Variants in CSAD observed in about 807,000 individuals in gnomAD.
CSAD encodes cysteine sulfinic acid decarboxylase.
CSAD carries 47 observed loss-of-function variants against 61.5 expected under a neutral mutation model. That is an observed-to-expected ratio of 0.76 (90% CI 0.60 to 0.97). The LOEUF is 0.97. Among genes scored for constraint, CSAD ranks in the 50% least tolerant of loss-of-function variants. The pLI is 0.00. For synonymous variants in CSAD, 245 were observed against 252.7 expected (o/e 0.97, Z 0.29); for missense variants, 611 against 643.6 (o/e 0.95, Z 0.55).
At chr12:53,165,909 T>C (rs572525975) in intron 10 of CSAD, among the ~76,000 whole-genome samples, 1 of 152,046 alleles carries the variant, frequency 6.6e-6, no homozygotes, top group South Asian at 2.1e-4. Context: ...AACAGATAAA[T>C]GGATAAGCAA....
At chr12:53,180,515 G>C in intron 1 of CSAD, 1 of 1,268,338 alleles carries the variant, frequency 7.9e-7, no homozygotes, top group Non-Finnish European at 1.0e-6. Flanking sequence ...CGCACGCGCC[G>C]GCCTCAGCGC....
chr12:53,172,238 A>G, intron 6 of CSAD, 108 bp downstream of exon 6: 5 of 1,062,186 alleles, frequency 4.7e-6, no homozygotes, highest in Non-Finnish European at 7.3e-6. Flanking sequence ...AGGGATTCCC[A>G]GAAGCAGTAG....
intron 4 of CSAD, chr12:53,173,122 T>G (rs1259674534): frequency 1.1e-5 from 5 of 463,504 alleles, no homozygotes; most frequent in Non-Finnish European, 1.9e-5. Context: ...GCAGGAGAGC[T>G]GCTTGAGCCC....
chr12:53,164,355 AT>A (rs776494597), intron 10 of CSAD: 40 of 222,904 alleles, frequency 1.8e-4, no homozygotes, highest in Admixed American at 4.0e-4. Flanking sequence ...AGTGGATTAG[AT>A]TTTTTTTAAT....
rs138355912 is a variant in CSAD at position 53,162,665 on chromosome 12, G to A, written c.703-1276C>T. Among the ~76,000 whole-genome samples, 587 of 152,194 alleles carry A rather than the reference G, an allele frequency of 3.9e-3. 4 individuals are homozygous for A. The highest frequency in any genetic ancestry group is 0.014 in the African/African-American group (569 of 41,512). ...CAGCTGGATGTGGTAGCTCATGCCT[G>A]TAATCCCAGCACTTTGGGAGGCCAA... On this transcript the variant is annotated intron_variant, in intron 10 of 16. Coordinates refer to ENST00000444623, the MANE Select transcript of CSAD (RefSeq NM_001244705.2).
At chr12:53,181,120 C>G (rs1010044708), upstream of CSAD, 1 of 967,324 alleles carries the variant, frequency 1.0e-6, no homozygotes, top group African/African-American at 1.8e-5. Flanking sequence ...GCTCTGCTCC[C>G]GGTTGGTGCA....
At chr12:53,171,694 C>T (rs1323509090) in intron 7 of CSAD, 188 bp downstream of exon 7, 2 of 618,066 alleles carry the variant, frequency 3.2e-6, no homozygotes, top group Admixed American at 2.9e-5. Flanking sequence ...AGACCACTGA[C>T]CCCAGGGAAT....
chr12:53,160,721 C>T, intron 13 of CSAD, 42 bp downstream of exon 13: 2 of 1,494,134 alleles, frequency 1.3e-6, no homozygotes, highest in Non-Finnish European at 1.8e-6. Context: ...GGCAGAGCTC[C>T]AGAGAGAGGT....
At position 53,171,942 on chromosome 12, in the gene CSAD, C is replaced by A. The variant is rs1203244551; in HGVS notation, c.391G>T (p.Val131Leu). 1 of 1,613,898 alleles carries A rather than the reference C, an allele frequency of 6.2e-7. No homozygotes were observed. The highest frequency in any genetic ancestry group is 1.3e-5 in the African/African-American group (1 of 74,904). Residue 131 changes from valine (V) to leucine (L), a missense_variant, in exon 7 of 17, where the codon GTG becomes TTG. Val to Leu is a conservative substitution (Grantham distance 32). Transcript: ENST00000444623. ...ACCAGGGCCCGCAGTTTCCTCAGCA[C>A]CTCCTCTTCCATGAGCACAAACACG... ...APVFVLMEEE[V>L]LRKLRALVGW...
intron 1 of CSAD, chr12:53,179,733 T>G: frequency 6.9e-7 from 1 of 1,444,992 alleles, no homozygotes; most frequent in Non-Finnish European, 9.6e-7. Flanking sequence ...TTTCTTTTGG[T>G]ATCACCATTA....
intron 1 of CSAD, chr12:53,180,123 C>T: frequency 7.7e-7 from 1 of 1,300,074 alleles, no homozygotes; most frequent in Non-Finnish European, 9.8e-7. Flanking sequence ...TGGCCAAGGG[C>T]TACTCAAGGA....
chr12:53,171,549 C>A, intron 7 of CSAD, 108 bp from the exon 8 acceptor site: 1 of 1,077,238 alleles, frequency 9.3e-7, no homozygotes. Context: ...GCAGGTATGA[C>A]TGGCTCCCAG....
At chr12:53,160,668 G>T in intron 13 of CSAD, 95 bp downstream of exon 13, 3 of 1,093,806 alleles carry the variant, frequency 2.7e-6, no homozygotes, top group Non-Finnish European at 2.7e-6. Flanking sequence ...ATGGTAAAGA[G>T]AATAGAGAAA....
chr12:53,170,638 C>T (rs1940451606), intron 8 of CSAD, 136 bp from the exon 9 acceptor site: 5 of 690,280 alleles, frequency 7.2e-6, no homozygotes, highest in Admixed American at 4.3e-5. Flanking sequence ...TACGAATCGC[C>T]TGGGTGTCTG....
In CSAD at chr12:53,161,165, C is replaced by T. The variant is rs1299488334; in HGVS notation, c.846G>A (p.Leu282=). 2 of 1,614,158 alleles carry T rather than the reference C, an allele frequency of 1.2e-6. No homozygotes were observed. Among genetic ancestry groups the T allele is most frequent in the Admixed American group, 3.3e-5 (2 of 60,018 alleles). The change falls in exon 12 of 17, where the codon CTG becomes CTA. Residue 282 remains leucine, a synonymous_variant. Coordinates refer to ENST00000444623, the MANE Select transcript of CSAD (RefSeq NM_001244705.2). Reference sequence around the variant, plus strand: ...CCAGGAGATGCCTGTGTGTCTGTGACAGCAGGACGCTCCCACCCCAGGCAG... The same window carrying T: ...CCAGGAGATGCCTGTGTGTCTGTGATAGCAGGACGCTCCCACCCCAGGCAG... ...VDAAWGGSVL[L]SQTHRHLLDG... is the part of the protein sequence containing the mutation.
In CSAD at chr12:53,173,727, C is replaced by T. The variant is rs1182015889; in HGVS notation, c.-7+1G>A. 2 of 1,603,810 alleles carry T rather than the reference C, an allele frequency of 1.2e-6. No individual in the cohort carries two copies. Among genetic ancestry groups the T allele is most frequent in the South Asian group, 1.1e-5 (1 of 90,624 alleles). On this transcript the variant is annotated splice_donor_variant, in intron 3 of 16. Transcript: ENST00000444623. LOFTEE classifies it low-confidence loss of function (5UTR_SPLICE). ...TCCACCTAAGGCAGAGACAAGCTTACCTCTCTGCTCAGGAGAGCCGGAGGC... is the reference window on the plus strand; with the variant it reads ...TCCACCTAAGGCAGAGACAAGCTTATCTCTCTGCTCAGGAGAGCCGGAGGC...
At chr12:53,167,278 T>C (rs1334813141) in intron 10 of CSAD, among the ~76,000 whole-genome samples, 6 of 152,142 alleles carry the variant, frequency 3.9e-5, no homozygotes, top group South Asian at 2.1e-4. Context: ...TATCTTCAAT[T>C]CCAGAAATAT....
At chr12:53,170,789 C>T (rs1485147182) in intron 8 of CSAD, 1 of 431,700 alleles carries the variant, frequency 2.3e-6, no homozygotes, top group Non-Finnish European at 4.3e-6. Flanking sequence ...GGTGTCATCT[C>T]GGCTCACTGC....
At chr12:53,170,042 A>C (rs373113301) in intron 10 of CSAD, 30 bp downstream of exon 10, 2 of 1,601,266 alleles carry the variant, frequency 1.2e-6, no homozygotes, top group South Asian at 1.1e-5. Flanking sequence ...GTTGGAGGCT[A>C]TATCACCCCA....
Sources: gnomAD v4.1 joint callset for allele counts (sites outside exome capture counted in the v4.1 genomes callset) on GRCh38, gnomAD v4.1.1 for gene constraint, MANE v1.5 for transcripts, NCBI Gene and HGNC (gene_info 2026-07-23, HGNC 2026-07-21) for gene names.